Variants in ZDHHC2 observed in about 807,000 individuals in gnomAD.
ZDHHC2 encodes the protein palmitoyltransferase ZDHHC2.
In ZDHHC2, 51 loss-of-function variants were observed where a neutral mutation model predicts 55.6. The ratio of observed to expected loss-of-function variants is 0.92; its 90% CI spans 0.73 to 1.16. The LOEUF (loss-of-function observed/expected upper bound fraction) is 1.16. Among genes scored for constraint, ZDHHC2 ranks in the 50% most tolerant of loss-of-function variants. ZDHHC2 has a pLI of 0.00. For synonymous variants in ZDHHC2, 199 were observed against 152.9 expected (o/e 1.30, Z -2.22); for missense variants, 491 against 442.4 (o/e 1.11, Z -0.99).
chr8:17,215,158 C>A, intron 10 of ZDHHC2, 79 bp from the exon 11 acceptor site: 1 of 1,323,040 alleles, frequency 7.6e-7, no homozygotes, highest in South Asian at 1.3e-5. Context: ...GGTTTTGGTT[C>A]CATACATTGA....
Position 17,221,907 on chromosome 8 carries a change from T to C in ZDHHC2, c.*1686T>C, listed in dbSNP as rs1377036983. ...ACCTAAAGTGCCAGACCGGAACCTA[T>C]AGCTACTGCTAGAAGTCTTAAAAAA... On this transcript the variant is annotated 3_prime_UTR_variant, in exon 13 of 13. Transcript: ENST00000262096. 1.3e-5 allele frequency: 2 copies of C among 151,226 alleles called. No individual in the cohort carries two copies. The highest frequency in any genetic ancestry group is 3.0e-5 in the Non-Finnish European group (2 of 67,784). The allele number at this position is 151,226 out of a possible 1,614,324, so 9.4% of individuals were successfully genotyped here. A position where few individuals can be genotyped will look rare whatever the true frequency, so the allele number is the denominator to read the frequency against.
intron 6 of ZDHHC2, among the ~76,000 whole-genome samples, chr8:17,201,497 T>G (rs1271494461): frequency 7.9e-6 from 1 of 126,994 alleles, no homozygotes; most frequent in African/African-American, 2.9e-5. Context: ...TTTTTTTTTT[T>G]TTTTTTTTTT....
Position 17,205,701 on chromosome 8 carries a change from T to A in ZDHHC2, c.523T>A (p.Phe175Ile). Residue 175 changes from phenylalanine (F) to isoleucine (I), a missense_variant, in exon 7 of 13, where the codon TTC (phenylalanine) becomes ATC (isoleucine). Phe to Ile is a conservative substitution (Grantham distance 21). Transcript: ENST00000262096. ...GFSNYKFFLL[F>I]LAYSLLYCLF... ...TTCAAATTATAAGTTCTTTCTCCTTTTCTTGGCTTATTCTCTGCTCTACTG... is the reference window on the plus strand; with the variant it reads ...TTCAAATTATAAGTTCTTTCTCCTTATCTTGGCTTATTCTCTGCTCTACTG... 6.2e-7 allele frequency: 1 copy of A among 1,609,600 alleles called. No individual in the cohort carries two copies. The highest frequency in any genetic ancestry group is 8.5e-7 in the Non-Finnish European group (1 of 1,178,728).
At position 17,170,493 on chromosome 8, in the gene ZDHHC2, A is replaced by G. The variant is rs146060824; in HGVS notation, c.130+13640A>G. 1.7e-3 allele frequency among the ~76,000 whole-genome samples: 257 copies of G among 152,318 alleles called. 2 individuals carry two copies. The highest frequency in any genetic ancestry group is 5.9e-3 in the African/African-American group (247 of 41,562). On this transcript the variant is annotated intron_variant, in intron 1 of 12. Coordinates refer to ENST00000262096, the MANE Select transcript of ZDHHC2 (RefSeq NM_016353.5). The stretch of plus-strand genomic sequence containing the variant: ...CTCATAAGTGTCAAATAATTTTATG[A>G]ACCTAGAAATAATTGGATTAATTTT...
intron 1 of ZDHHC2, among the ~76,000 whole-genome samples, chr8:17,165,313 G>T (rs1804550732): frequency 6.6e-6 from 1 of 152,182 alleles, no homozygotes; most frequent in Non-Finnish European, 1.5e-5. Context: ...ACTTAACTAT[G>T]ACTAGTGATT....
chr8:17,197,700 TC>T (rs1226972559), intron 5 of ZDHHC2, 49 bp downstream of exon 5: 3 of 1,524,918 alleles, frequency 2.0e-6, no homozygotes, highest in Non-Finnish European at 2.7e-6. Flanking sequence ...GTGGTCTTTT[TC>T]TTCATTATGT....
chr8:17,182,487 G>C (rs553119829), intron 1 of ZDHHC2, among the ~76,000 whole-genome samples: 1 of 152,280 alleles, frequency 6.6e-6, no homozygotes, highest in South Asian at 2.1e-4. Flanking sequence ...CTTGGCGAAA[G>C]TGTAATTGGA....
rs1447191082 is a variant in ZDHHC2 at position 17,215,216 on chromosome 8, G to C, written c.951-21G>C. 6 of 1,543,952 alleles carry C rather than the reference G, an allele frequency of 3.9e-6. No individual in the cohort carries two copies. In the African/African-American group the frequency reaches 8.3e-5, roughly 21 times the overall value. ...AAAATTAGCTTATGATGATTTTGATGATTATTCAATTATTATTCAGTCTCG... is the reference window on the plus strand; with the variant it reads ...AAAATTAGCTTATGATGATTTTGATCATTATTCAATTATTATTCAGTCTCG... On this transcript the variant is annotated intron_variant, in intron 10 of 12. Transcript: ENST00000262096.
intron 1 of ZDHHC2, among the ~76,000 whole-genome samples, chr8:17,169,194 T>C (rs903065981): frequency 6.6e-6 from 1 of 152,022 alleles, no homozygotes; most frequent in Non-Finnish European, 1.5e-5. Context: ...TGAAGGTCTC[T>C]AGAGGTATCC....
chr8:17,191,203 G>A (rs1337848329), intron 3 of ZDHHC2, among the ~76,000 whole-genome samples: 2 of 151,084 alleles, frequency 1.3e-5, no homozygotes, highest in East Asian at 1.9e-4. Flanking sequence ...CTCGTGATCC[G>A]CCCACCTCAG....
intron 1 of ZDHHC2, among the ~76,000 whole-genome samples, chr8:17,170,595 G>A (rs1290443642): frequency 1.3e-5 from 2 of 152,202 alleles, no homozygotes; most frequent in Non-Finnish European, 1.5e-5. Flanking sequence ...GATGGTTTTA[G>A]AACGTTGCCT....
At chr8:17,196,312 G>C (rs563860860) in intron 4 of ZDHHC2, among the ~76,000 whole-genome samples, 1 of 152,204 alleles carries the variant, frequency 6.6e-6, no homozygotes, top group South Asian at 2.1e-4. Context: ...AGCGCTTGAA[G>C]TATGGCCAGT....
chr8:17,188,539 C>A (rs1156385416), intron 3 of ZDHHC2, among the ~76,000 whole-genome samples: 1 of 152,164 alleles, frequency 6.6e-6, no homozygotes, highest in Non-Finnish European at 1.5e-5. Flanking sequence ...GCAGCTCCTT[C>A]TTGGCCTCCT....
intron 1 of ZDHHC2, among the ~76,000 whole-genome samples, chr8:17,168,640 C>T (rs1804716240): frequency 6.6e-6 from 1 of 152,146 alleles, no homozygotes; most frequent in South Asian, 2.1e-4. Flanking sequence ...CAGTTTAACA[C>T]TAACCCTCAT....
intron 1 of ZDHHC2, among the ~76,000 whole-genome samples, chr8:17,159,879 C>G (rs1804249624): frequency 6.6e-6 from 1 of 152,134 alleles, no homozygotes. Flanking sequence ...ACTCCTTTTC[C>G]CTCTCCCCTG....
chr8:17,172,591 T>C, intron 1 of ZDHHC2, among the ~76,000 whole-genome samples: 1 of 151,712 alleles, frequency 6.6e-6, no homozygotes, highest in East Asian at 1.9e-4. Flanking sequence ...GTCTTCTTAA[T>C]GCAGTAAATT....
rs767342601 is a variant in ZDHHC2, at chr8:17,175,532, A to G, written c.131-9257A>G. On this transcript the variant is annotated intron_variant, in intron 1 of 12. Coordinates refer to ENST00000262096, the MANE Select transcript of ZDHHC2 (RefSeq NM_016353.5). Reference sequence around the variant, plus strand: ...TAAACTTTAGGAAACTCCTACTCCTAACATGTCACAGTTTGGTGATGAATT... The same window carrying G: ...TAAACTTTAGGAAACTCCTACTCCTGACATGTCACAGTTTGGTGATGAATT... 8.5e-5 allele frequency among the ~76,000 whole-genome samples: 13 copies of G among 152,218 alleles called. No homozygotes were observed. The East Asian group carries it at 1.2e-3, about 14-fold the overall frequency.
At chr8:17,182,815 G>A (rs916323685) in intron 1 of ZDHHC2, among the ~76,000 whole-genome samples, 5 of 152,074 alleles carry the variant, frequency 3.3e-5, no homozygotes, top group African/African-American at 7.2e-5. Context: ...AGGCTGGAGC[G>A]CAGTGGCGTG....
At chr8:17,186,696 G>A (rs1805728843) in intron 3 of ZDHHC2, among the ~76,000 whole-genome samples, 1 of 152,078 alleles carries the variant, frequency 6.6e-6, no homozygotes, top group South Asian at 2.1e-4. Flanking sequence ...TGGATAGGTA[G>A]ACAAAGATAG....
Sources: allele counts gnomAD v4.1 joint callset (sites outside exome capture counted in the v4.1 genomes callset), GRCh38; gene constraint gnomAD v4.1.1; transcripts MANE v1.5; gene names NCBI Gene and HGNC (gene_info 2026-07-23, HGNC 2026-07-21).